KALRN: variants seen among roughly 807,000 people sequenced by gnomAD.
The protein encoded by KALRN is kalirin RhoGEF kinase.
Under a neutral mutation model 353.7 loss-of-function variants are expected in KALRN, and 70 were observed. That is an observed-to-expected ratio of 0.20 (90% CI 0.16 to 0.24). KALRN has a LOEUF of 0.24. KALRN is among the 10% of genes least tolerant of loss of function. The pLI is 1.00. For synonymous variants in KALRN, 1,391 were observed against 1,434.8 expected, an observed-to-expected ratio of 0.97 and a Z score of 0.69; for missense variants, 2,791 against 3,756.7, an observed-to-expected ratio of 0.74 and a Z score of 6.72.
chr3:124,350,549 T>C (rs1018318060), intron 10 of KALRN, among the ~76,000 whole-genome samples: 1 of 152,110 alleles, frequency 6.6e-6, no homozygotes, highest in Non-Finnish European at 1.5e-5. Context: ...CCCTCCTTAT[T>C]GAGGTATAGG....
At chr3:124,488,612 C>T (rs1299882226) in intron 29 of KALRN, 1 of 296,280 alleles carries the variant, frequency 3.4e-6, no homozygotes, top group Non-Finnish European at 6.3e-6. Context: ...GCTAGAGCTT[C>T]CAACCTACAG....
intron 1 of KALRN, among the ~76,000 whole-genome samples, chr3:124,035,438 A>G (rs1188535956): frequency 6.6e-6 from 1 of 152,132 alleles, no homozygotes; most frequent in Non-Finnish European, 1.5e-5. Flanking sequence ...TTGCCTCCCA[A>G]CTGGGGCAAA....
rs1403800652 is a variant in KALRN, at chr3:124,446,755, T to C, written c.3430-8T>C. The C allele has an allele frequency of 1.2e-6, 2 of 1,613,972 alleles. No individual in the cohort carries two copies. The highest frequency in any genetic ancestry group is 1.7e-6 in the Non-Finnish European group (2 of 1,179,942). The stretch of plus-strand genomic sequence containing the variant: ...TTTGGGGACTGGATGAGTTGTTTCC[T>C]CCCATAGGCGCTTGACTGGATCCAA... On this transcript the variant is annotated splice_polypyrimidine_tract_variant and splice_region_variant and intron_variant, in intron 20 of 59. Coordinates refer to ENST00000682506, the MANE Select transcript of KALRN (RefSeq NM_001388419.1).
At chr3:124,225,208 G>A (rs2078343093) in intron 1 of KALRN, among the ~76,000 whole-genome samples, 1 of 152,184 alleles carries the variant, frequency 6.6e-6, no homozygotes, top group Admixed American at 6.5e-5. Flanking sequence ...CAATTTCTGA[G>A]CTGCTGGGCT....
intron 1 of KALRN, 152 bp from the exon 2 acceptor site, chr3:124,227,838 G>C (rs1179026035): frequency 1.4e-6 from 1 of 697,174 alleles, no homozygotes; most frequent in East Asian, 2.5e-5. Context: ...TTCTGTTGCA[G>C]ACCCTCTCCT....
intron 28 of KALRN, among the ~76,000 whole-genome samples, chr3:124,486,629 A>G (rs2062600819): frequency 6.6e-6 from 1 of 152,230 alleles, no homozygotes; most frequent in African/African-American, 2.4e-5. Flanking sequence ...TACCAAGTAT[A>G]AAGCTTGACT....
chr3:124,163,433 C>A, intron 1 of KALRN: 1 of 177,766 alleles, frequency 5.6e-6, no homozygotes, highest in Non-Finnish European at 1.1e-5. Flanking sequence ...CTTACAGAGA[C>A]GAGGTCCTAA....
intron 34 of KALRN, among the ~76,000 whole-genome samples, chr3:124,569,102 C>CTGG (rs2073214335): frequency 6.6e-6 from 1 of 152,156 alleles, no homozygotes; most frequent in South Asian, 2.1e-4. Flanking sequence ...TCTTCCCTGG[C>CTGG]TGGGGCTGAG....
chr3:124,491,693 G>T (rs1465686150), intron 31 of KALRN: 1 of 327,276 alleles, frequency 3.1e-6, no homozygotes, highest in Non-Finnish European at 5.5e-6. Context: ...GCTCAGCAAG[G>T]CCCGCTTAAA....
chr3:124,705,296 T>C (rs1467469891), intron 57 of KALRN, among the ~76,000 whole-genome samples: 1 of 152,202 alleles, frequency 6.6e-6, no homozygotes, highest in Non-Finnish European at 1.5e-5. Flanking sequence ...TTTATTTTAT[T>C]TTTTTAAGTA....
At chr3:124,249,834 G>A (rs1437332125) in intron 3 of KALRN, among the ~76,000 whole-genome samples, 1 of 152,130 alleles carries the variant, frequency 6.6e-6, no homozygotes, top group Non-Finnish European at 1.5e-5. Context: ...AGGGCTCCCC[G>A]ACTCCAGCTC....
chr3:124,709,438 T>A (rs974651790), intron 57 of KALRN, among the ~76,000 whole-genome samples: 4 of 152,128 alleles, frequency 2.6e-5, no homozygotes, highest in African/African-American at 9.7e-5. Context: ...CAACCATGCC[T>A]GGCTAATTTT....
intron 6 of KALRN, among the ~76,000 whole-genome samples, chr3:124,304,773 C>T (rs989993477): frequency 3.9e-5 from 6 of 152,218 alleles, no homozygotes; most frequent in Non-Finnish European, 8.8e-5. Flanking sequence ...CTCCAGAAAG[C>T]TTCAACCAAG....
intron 27 of KALRN, among the ~76,000 whole-genome samples, chr3:124,480,771 C>G (rs545112891): frequency 1.4e-4 from 21 of 152,298 alleles, no homozygotes; most frequent in Non-Finnish European, 2.9e-4. Flanking sequence ...ATAGATCTGC[C>G]TTGCCTGGAC....
At chr3:124,070,595 G>A (rs2059971464) in intron 1 of KALRN, among the ~76,000 whole-genome samples, 1 of 152,152 alleles carries the variant, frequency 6.6e-6, no homozygotes, top group African/African-American at 2.4e-5. Flanking sequence ...CATTATTACT[G>A]TTTCACATGT....
intron 50 of KALRN, 45 bp downstream of exon 50, chr3:124,678,358 C>T (rs1299212444): frequency 6.2e-7 from 1 of 1,604,662 alleles, no homozygotes; most frequent in Admixed American, 1.7e-5. Flanking sequence ...GTCATCCACT[C>T]CCACCCTGCA....
chr3:124,574,571 C>A (rs917770012), intron 34 of KALRN, among the ~76,000 whole-genome samples: 10 of 152,254 alleles, frequency 6.6e-5, no homozygotes, highest in African/African-American at 1.7e-4. Context: ...GATTTGATCC[C>A]AGAGAAGAAA....
chr3:124,713,637 T>C (rs1378620427), intron 58 of KALRN, among the ~76,000 whole-genome samples: 1 of 152,184 alleles, frequency 6.6e-6, no homozygotes, highest in African/African-American at 2.4e-5. Context: ...GGCAACCATA[T>C]ACGTGACCCC....
In KALRN at chr3:124,650,884, C is replaced by T. The variant is rs766730133; in HGVS notation, c.5741C>T (p.Thr1914Ile). 1.1e-5 allele frequency: 18 copies of T among 1,614,242 alleles called. No individual in the cohort carries two copies. Among genetic ancestry groups the T allele is most frequent in the Admixed American group, 1.7e-5 (1 of 60,034 alleles). Residue 1914 changes from threonine to isoleucine, a missense_variant, in exon 38 of 60, where the codon ACA (threonine) becomes ATA (isoleucine). This residue lies in a region of KALRN where 1,065 missense variants were observed against 1,156.4 expected (regional missense o/e 0.92). Transcript: ENST00000682506. The part of the protein sequence containing the change: ...GCLNEGMAPP[T>I]PPKNPEEEQK... ...CTGAATGAGGGGATGGCCCCACCCA[C>T]ACCTCCTAAAAACCCAGAAGAAGAA...
Sources: allele counts gnomAD v4.1 joint callset (sites outside exome capture counted in the v4.1 genomes callset), GRCh38; gene constraint gnomAD v4.1.1; regional missense constraint gnomAD v4.1.1; transcripts MANE v1.5; gene names NCBI Gene and HGNC (gene_info 2026-07-23, HGNC 2026-07-21).